Variants in IRX4 observed in about 807,000 individuals in gnomAD.
The protein encoded by IRX4 is iroquois homeobox 4, also known as iroquois-class homeodomain protein IRX-4.
A neutral mutation model predicts 32.0 loss-of-function variants in IRX4; 22 were observed. That is an observed-to-expected ratio of 0.69 (90% CI 0.49 to 0.98). IRX4 has a LOEUF of 0.98. Among genes scored for constraint, IRX4 ranks in the 50% least tolerant of loss-of-function variants. The pLI is 0.00. For synonymous variants in IRX4, 379 were observed against 351.7 expected (o/e 1.08, Z -0.87); for missense variants, 840 against 744.2 (o/e 1.13, Z -1.50).
chr5:1,877,593 A>C lies in IRX4; in HGVS notation c.*376T>G. 4.0e-6 allele frequency: 1 copy of C among 251,436 alleles called. No homozygotes were observed. The highest frequency in any genetic ancestry group is 7.5e-6 in the Non-Finnish European group (1 of 133,428). 15.6% of individuals were successfully genotyped at this position (251,436 alleles called of 1,614,324 possible). A position where few individuals can be genotyped will look rare whatever the true frequency, so the allele number is the denominator to read the frequency against. On this transcript the variant is annotated 3_prime_UTR_variant, in exon 5 of 5. Coordinates refer to ENST00000231357, the MANE Select transcript of IRX4 (RefSeq NM_016358.3). ...CATTACGTGCTGAGGATGAAATCGG[A>C]GGCCCGACAGGCCCAGGAGGCCTCA...
At position 1,877,834 on chromosome 5, in the gene IRX4, A is replaced by T; in HGVS notation, c.*135T>A. On this transcript the variant is annotated 3_prime_UTR_variant, in exon 5 of 5. Coordinates refer to ENST00000231357, the MANE Select transcript of IRX4 (RefSeq NM_016358.3). ...GCTTGTCCATGTTCCCAGGAGTCCA[A>T]GTTCAGAAGCCCCCTCTCCGGTGGG... 1 of 817,020 alleles carries T rather than the reference A, an allele frequency of 1.2e-6. No individual in the cohort carries two copies. Among genetic ancestry groups the T allele is most frequent in the East Asian group, 3.0e-5 (1 of 33,050 alleles). The allele number at this position is 817,020 out of a possible 1,614,324, so 50.6% of individuals were successfully genotyped here. A position where few individuals can be genotyped will look rare whatever the true frequency, so the allele number is the denominator to read the frequency against.
At chr5:1,884,315 T>A (rs769344968), upstream of IRX4, 13 of 152,284 alleles carry the variant, frequency 8.5e-5, no homozygotes, top group Non-Finnish European at 1.8e-4. Context: ...AGGGTCACCC[T>A]CTAATTAATG....
intron 3 of IRX4, chr5:1,880,146 C>T: frequency 6.5e-7 from 1 of 1,535,396 alleles, no homozygotes; most frequent in Non-Finnish European, 8.7e-7. Flanking sequence ...GTTTGATCCT[C>T]AAACCATAAA....
At chr5:1,885,225 T>C (rs1735590135), upstream of IRX4, among the ~76,000 whole-genome samples, 1 of 152,120 alleles carries the variant, frequency 6.6e-6, no homozygotes, top group South Asian at 2.1e-4. Context: ...CCGGCGGGGC[T>C]TAACTGGAGC....
rs765542412 is a variant in IRX4, at chr5:1,878,797, G to A, written c.737-5C>T. 6.2e-7 allele frequency: 1 copy of A among 1,613,070 alleles called. No individual in the cohort carries two copies. ...TCTCCTCTTTGCCCACGGGCTCTGC[G>A]GGAGAGAATGCGTGGCCAGTGGAGG... On this transcript the variant is annotated splice_polypyrimidine_tract_variant and splice_region_variant and intron_variant, in intron 4 of 4. Coordinates refer to ENST00000231357, the MANE Select transcript of IRX4 (RefSeq NM_016358.3).
At position 1,882,755 on chromosome 5, in the gene IRX4, G is replaced by A; in HGVS notation, c.-108C>T. Reference sequence around the variant, plus strand: ...GCTGCAGGCTTCTAGGCGCTGGGAGGGCGAAGCAGGAGAGCCGGTTAGTCC... The same window carrying A: ...GCTGCAGGCTTCTAGGCGCTGGGAGAGCGAAGCAGGAGAGCCGGTTAGTCC... On this transcript the variant is annotated 5_prime_UTR_variant, in exon 1 of 5. Transcript: ENST00000231357. 1 of 654,530 alleles carries A rather than the reference G, an allele frequency of 1.5e-6. No individual in the cohort carries two copies. Among genetic ancestry groups the A allele is most frequent in the South Asian group, 3.8e-5 (1 of 26,162 alleles). 40.5% of individuals were successfully genotyped at this position (654,530 alleles called of 1,614,324 possible).
At chr5:1,880,869 A>T (rs1168632816) in intron 2 of IRX4, 35 bp from the exon 3 acceptor site, 1 of 1,543,010 alleles carries the variant, frequency 6.5e-7, no homozygotes, top group African/African-American at 1.4e-5. Context: ...CGCAGTTTCC[A>T]GGGAGGCAAC....
chr5:1,886,515 C>T (rs900827980), upstream of IRX4, among the ~76,000 whole-genome samples: 1 of 152,208 alleles, frequency 6.6e-6, no homozygotes, highest in Non-Finnish European at 1.5e-5. Context: ...CCCTCGGAGC[C>T]AGTGGTAGGA....
chr5:1,883,977 C>G (rs1463856118), upstream of IRX4: 2 of 152,286 alleles, frequency 1.3e-5, no homozygotes, highest in African/African-American at 4.8e-5. Context: ...TTTTGCCCAG[C>G]TTTCTGTCTG....
At chr5:1,882,132 C>T in intron 1 of IRX4, 73 bp from the exon 2 acceptor site, 5 of 1,485,048 alleles carry the variant, frequency 3.4e-6, no homozygotes, top group Non-Finnish European at 4.4e-6. Flanking sequence ...GCCAATCCCG[C>T]GCGCCGCCCA....
rs1004947234 is a variant in IRX4, at chr5:1,879,404, G to A, written c.736+100C>T. 6.6e-5 allele frequency: 103 copies of A among 1,566,964 alleles called. No homozygotes were observed. The South Asian group carries it at 1.1e-3, about 17-fold the overall frequency. ...TTGCACGGTGACCGCCTAGGCATGG[G>A]GCTCGGCGTTTGGGACCCCCAAGAC... On this transcript the variant is annotated intron_variant, in intron 4 of 4. Coordinates refer to ENST00000231357, the MANE Select transcript of IRX4 (RefSeq NM_016358.3).
In IRX4 at chr5:1,882,770, C is replaced by T. The variant is rs144443881; in HGVS notation, c.-123G>A. On this transcript the variant is annotated 5_prime_UTR_variant, in exon 1 of 5. Transcript: ENST00000231357. ...GCGCTGGGAGGGCGAAGCAGGAGAG[C>T]CGGTTAGTCCATCCCCGCGCTCCGC... 629 of 553,472 alleles carry T rather than the reference C, an allele frequency of 1.1e-3. 1 individual carries two copies. The highest frequency in any genetic ancestry group is 2.2e-3 in the Admixed American group (52 of 23,382). The allele number at this position is 553,472 out of a possible 1,614,324, so 34.3% of individuals were successfully genotyped here.
In IRX4 at chr5:1,881,938, A is replaced by G. The variant is rs1253278743; in HGVS notation, c.167T>C (p.Leu56Pro). 1.3e-6 allele frequency: 2 copies of G among 1,574,136 alleles called. No homozygotes were observed. The highest frequency in any genetic ancestry group is 1.7e-6 in the Non-Finnish European group (2 of 1,160,742). ...GAGCTCGTGGCGCGCGGTGGCCAGC[A>G]GCCGGCTCTCGTAGACCGGGCAGTA... ...PVYCPVYESR[L>P]LATARHELNS... Residue 56 changes from leucine to proline, a missense_variant, in exon 2 of 5, where the codon CTG becomes CCG. Leu to Pro is a moderately conservative substitution (Grantham distance 98, BLOSUM62 -3). This residue lies in a region of IRX4 where 241 missense variants were observed against 220.8 expected (regional missense o/e 1.09). Coordinates refer to ENST00000231357, the MANE Select transcript of IRX4 (RefSeq NM_016358.3).
Position 1,878,142 on chromosome 5 carries a change from C to T in IRX4, c.1387G>A (p.Ala463Thr), listed in dbSNP as rs375480367. 14 of 1,555,118 alleles carry T rather than the reference C, an allele frequency of 9.0e-6. No individual in the cohort carries two copies. Among genetic ancestry groups the T allele is most frequent in the Non-Finnish European group, 1.2e-5 (14 of 1,155,084 alleles). Residue 463 changes from alanine (A) to threonine (T), a missense_variant, in exon 5 of 5, where the codon GCC (alanine) becomes ACC (threonine). Physicochemically the swap from Ala to Thr is moderately conservative, Grantham distance 58. Coordinates refer to ENST00000231357, the MANE Select transcript of IRX4 (RefSeq NM_016358.3). ...LNQAWATAKG[A>T]LLDPGPLGRS... ...CCCAGAGGCCCGGGGTCCAGGAGGGCGCCCTTGGCGGTGGCCCAGGCCTGG... is the reference window on the plus strand; with the variant it reads ...CCCAGAGGCCCGGGGTCCAGGAGGGTGCCCTTGGCGGTGGCCCAGGCCTGG...
Position 1,882,039 on chromosome 5 carries a change from G to C in IRX4, c.66C>G (p.Ser22=). ...SAPQFLMATN[S]LSTCCESGGR... is the part of the protein sequence containing the mutation. ...CTCCGGACTCGCAGCACGTGCTCAGGGAGTTGGTGGCCATCAAGAACTGCA... is the reference window on the plus strand; with the variant it reads ...CTCCGGACTCGCAGCACGTGCTCAGCGAGTTGGTGGCCATCAAGAACTGCA... Residue 22 remains serine, a synonymous_variant, in exon 2 of 5, where the codon TCC becomes TCG. Transcript: ENST00000231357. 6.4e-7 allele frequency: 1 copy of C among 1,552,952 alleles called. No homozygotes were observed. Among genetic ancestry groups the C allele is most frequent in the Non-Finnish European group, 8.7e-7 (1 of 1,149,516 alleles).
chr5:1,884,995 A>T (rs1027930115), upstream of IRX4, among the ~76,000 whole-genome samples: 1 of 147,140 alleles, frequency 6.8e-6, no homozygotes, highest in Non-Finnish European at 1.5e-5. Context: ...AAGGGCTGGG[A>T]TGGGGAGTAG....
At position 1,882,662 on chromosome 5, in the gene IRX4, GGGGCGGACGGGCGGGGCCT is replaced by G; in HGVS notation, c.-34_-16del. Reference sequence around the variant, plus strand: ...GGGTAGGACATGGCGGGCGCGGCCCGGGGCGGACGGGCGGGGCCTGCAGGGTTCTGCGCGCTGGGGCCGG... The same window carrying G: ...GGGTAGGACATGGCGGGCGCGGCCCGGCAGGGTTCTGCGCGCTGGGGCCGG... On this transcript the variant is annotated 5_prime_UTR_variant, in exon 1 of 5. Coordinates refer to ENST00000231357, the MANE Select transcript of IRX4 (RefSeq NM_016358.3). 1 of 1,381,746 alleles carries G rather than the reference GGGGCGGACGGGCGGGGCCT, an allele frequency of 7.2e-7. No homozygotes were observed. The highest frequency in any genetic ancestry group is 2.7e-4 in the Middle Eastern group (1 of 3,762). The allele number at this position is 1,381,746 out of a possible 1,614,324, so 85.6% of individuals were successfully genotyped here. A position where few individuals can be genotyped will look rare whatever the true frequency, so the allele number is the denominator to read the frequency against.
At chr5:1,879,469 G>C in intron 4 of IRX4, 35 bp downstream of exon 4, 1 of 1,612,658 alleles carries the variant, frequency 6.2e-7, no homozygotes, top group East Asian at 2.2e-5. Flanking sequence ...CTGCACTCCA[G>C]GGCCTCAGCC....
At chr5:1,879,888 T>A (rs747103114) in intron 3 of IRX4, 56 bp from the exon 4 acceptor site, 2 of 1,604,594 alleles carry the variant, frequency 1.2e-6, no homozygotes, top group African/African-American at 2.7e-5. Flanking sequence ...CCAGGCATCA[T>A]GGGCATAGGG....
Sources: gnomAD v4.1 joint callset for allele counts (sites outside exome capture counted in the v4.1 genomes callset) on GRCh38, gnomAD v4.1.1 for gene constraint, gnomAD v4.1.1 regional missense constraint, MANE v1.5 for transcripts, NCBI Gene and HGNC (gene_info 2026-07-23, HGNC 2026-07-21) for gene names.